Variants in NRXN1 observed in about 807,000 individuals in gnomAD.
NRXN1 encodes the protein neurexin 1.
Under a neutral mutation model 150.9 loss-of-function variants are expected in NRXN1, and 39 were observed. The ratio of observed to expected loss-of-function variants is 0.26; its 90% confidence interval spans 0.20 to 0.34. NRXN1 has a LOEUF of 0.34. NRXN1 is among the 10% of genes least tolerant of loss of function. The probability of loss-of-function intolerance (pLI) is 1.00; values close to 1 mark genes in which losing one functional copy is unlikely to be tolerated. For missense variants in NRXN1, 1,815 were observed against 1,949.9 expected, an observed-to-expected ratio of 0.93 and a Z score of 1.30; for synonymous variants, 924 against 757.0, an observed-to-expected ratio of 1.22 and a Z score of -3.62.
intron 17 of NRXN1, among the ~76,000 whole-genome samples, chr2:50,243,706 T>C (rs1163012952): frequency 6.6e-6 from 1 of 151,764 alleles, no homozygotes; most frequent in Non-Finnish European, 1.5e-5. Context: ...TGTTAACAAT[T>C]AAGGTTTTCC....
intron 5 of NRXN1, among the ~76,000 whole-genome samples, chr2:50,777,528 CTCTGCAAAGTT>C (rs879506489): frequency 1.1e-4 from 17 of 152,082 alleles, no homozygotes; most frequent in Admixed American, 2.0e-4. Context: ...GCTACTTAGG[CTCTGCAAAGTT>C]TTTGTAACTA....
intron 12 of NRXN1, among the ~76,000 whole-genome samples, chr2:50,517,717 TC>T (rs1662647141): frequency 6.6e-6 from 1 of 152,066 alleles, no homozygotes. Flanking sequence ...GTGAATAACT[TC>T]CGAGTCCAAA....
At chr2:50,599,371 C>G (rs1275051707) in intron 8 of NRXN1, among the ~76,000 whole-genome samples, 1 of 152,172 alleles carries the variant, frequency 6.6e-6, no homozygotes, top group Non-Finnish European at 1.5e-5. Flanking sequence ...GTGGTCACTA[C>G]TTACTGAAGT....
intron 5 of NRXN1, among the ~76,000 whole-genome samples, chr2:50,881,428 G>A (rs1679412323): frequency 6.6e-6 from 1 of 151,890 alleles, no homozygotes; most frequent in Non-Finnish European, 1.5e-5. Flanking sequence ...TAAATTTTCT[G>A]TGATTTAGTA....
At chr2:49,948,364 C>T (rs1257352357) in intron 21 of NRXN1, among the ~76,000 whole-genome samples, 1 of 152,098 alleles carries the variant, frequency 6.6e-6, no homozygotes, top group South Asian at 2.1e-4. Flanking sequence ...TACAATGGTA[C>T]TTCCTATAGC....
At chr2:50,216,258 T>A (rs1000415105) in intron 18 of NRXN1, among the ~76,000 whole-genome samples, 5 of 151,982 alleles carry the variant, frequency 3.3e-5, no homozygotes, top group Non-Finnish European at 5.9e-5. Context: ...TACTTCAGTG[T>A]CAAATGAGTT....
chr2:50,839,375 C>T (rs1672546611), intron 5 of NRXN1, among the ~76,000 whole-genome samples: 2 of 152,074 alleles, frequency 1.3e-5, no homozygotes, highest in South Asian at 4.1e-4. Flanking sequence ...AGGAAAGTGT[C>T]ATAAAATACC....
chr2:50,985,059 G>A (rs376170042), intron 2 of NRXN1, among the ~76,000 whole-genome samples: 6 of 151,860 alleles, frequency 4.0e-5, no homozygotes, highest in African/African-American at 1.4e-4. Context: ...TTAAGATCCA[G>A]AAGAGTGCTA....
At chr2:50,937,646 G>A (rs373808115) in intron 2 of NRXN1, among the ~76,000 whole-genome samples, 1 of 152,046 alleles carries the variant, frequency 6.6e-6, no homozygotes, top group Non-Finnish European at 1.5e-5. Flanking sequence ...TGAAGTAGAT[G>A]ATGATGATGA....
At chr2:50,384,228 C>T (rs575429551) in intron 17 of NRXN1, among the ~76,000 whole-genome samples, 15 of 152,046 alleles carry the variant, frequency 9.9e-5, no homozygotes, top group Non-Finnish European at 1.6e-4. Flanking sequence ...CATTCTCAGC[C>T]GGGTGCGGTG....
chr2:50,286,292 C>T (rs1165245103), intron 17 of NRXN1, among the ~76,000 whole-genome samples: 1 of 152,040 alleles, frequency 6.6e-6, no homozygotes, highest in African/African-American at 2.4e-5. Context: ...CCACCAACAC[C>T]ACCTCACTCC....
chr2:50,663,097 T>C (rs1054575555), intron 5 of NRXN1, among the ~76,000 whole-genome samples: 5 of 152,084 alleles, frequency 3.3e-5, no homozygotes, highest in African/African-American at 1.2e-4. Context: ...GAAGAAAACA[T>C]GTCCAAGACA....
intron 5 of NRXN1, among the ~76,000 whole-genome samples, chr2:50,631,794 T>A (rs1424049912): frequency 6.6e-6 from 1 of 151,886 alleles, no homozygotes. Context: ...GGGAAAGGAA[T>A]GAACAAATGA....
chr2:50,229,540 G>C (rs565219348), intron 18 of NRXN1, among the ~76,000 whole-genome samples: 1 of 151,778 alleles, frequency 6.6e-6, no homozygotes, highest in Non-Finnish European at 1.5e-5. Context: ...ATTTCTTCCC[G>C]AGACACACAG....
chr2:50,267,081 G>A (rs1057372457), intron 17 of NRXN1, among the ~76,000 whole-genome samples: 2 of 152,110 alleles, frequency 1.3e-5, no homozygotes, highest in Non-Finnish European at 2.9e-5. Flanking sequence ...GTTTTTCTGA[G>A]GCTAATGTGC....
chr2:50,823,384 T>C (rs1325709987), intron 5 of NRXN1, among the ~76,000 whole-genome samples: 1 of 152,002 alleles, frequency 6.6e-6, no homozygotes, highest in Non-Finnish European at 1.5e-5. Flanking sequence ...GAAAAAATAA[T>C]AAAAAGTAAC....
chr2:50,835,222 C>CA lies in NRXN1; in HGVS notation c.832+86646dup, dbSNP rs949044545. Reference sequence around the variant, plus strand: ...AGAAGTCACCTTTCAGATTGTCTCCCAAAAAAAATTTAAACTCCTAAGTGA... The same window carrying CA: ...AGAAGTCACCTTTCAGATTGTCTCCCAAAAAAAAATTTAAACTCCTAAGTGA... On this transcript the variant is annotated intron_variant, in intron 5 of 22. Coordinates refer to ENST00000401669, the MANE Select transcript of NRXN1 (RefSeq NM_001330078.2). 1.3e-4 allele frequency among the ~76,000 whole-genome samples: 20 copies of CA among 151,440 alleles called. 1 individual carries two copies. The highest frequency in any genetic ancestry group is 1.3e-3 in the Admixed American group (19 of 15,192).
At chr2:50,689,854 T>TTGTGTGTGTGTG (rs796892350) in intron 5 of NRXN1, among the ~76,000 whole-genome samples, 12 of 135,290 alleles carry the variant, frequency 8.9e-5, no homozygotes, top group Non-Finnish European at 1.4e-4. Context: ...TTTTGCTTAT[T>TTGTGTGTGTGTG]TGTGTGTGTG....
intron 5 of NRXN1, among the ~76,000 whole-genome samples, chr2:50,765,352 GAGCTCCT>G (rs1559229865): frequency 6.6e-6 from 1 of 152,004 alleles, no homozygotes; most frequent in East Asian, 1.9e-4. Context: ...GGGGAAACAG[GAGCTCCT>G]CTCAGACATC....
Sources: gnomAD v4.1 joint callset for allele counts (sites outside exome capture counted in the v4.1 genomes callset) on GRCh38, gnomAD v4.1.1 for gene constraint, MANE v1.5 for transcripts, NCBI Gene and HGNC (gene_info 2026-07-23, HGNC 2026-07-21) for gene names.